SDC4: variants seen among roughly 807,000 people sequenced by gnomAD.
SDC4 encodes syndecan 4.
SDC4 carries 17 observed loss-of-function variants against 20.5 expected under a neutral mutation model. The ratio of observed to expected loss-of-function variants is 0.83; its 90% CI spans 0.57 to 1.25. The LOEUF (loss-of-function observed/expected upper bound fraction) is 1.25, where lower values mean the gene tolerates loss of function less well. Among genes scored for constraint, SDC4 ranks in the 50% most tolerant of loss-of-function variants. The pLI is 0.00. For synonymous variants in SDC4, 107 were observed against 105.3 expected (o/e 1.02, Z -0.10); for missense variants, 241 against 252.3 (o/e 0.96, Z 0.30).
chr20:45,333,885 TC>T (rs1987819343), intron 2 of SDC4, among the ~76,000 whole-genome samples: 2 of 151,872 alleles, frequency 1.3e-5, no homozygotes, highest in African/African-American at 4.8e-5. Context: ...ATTGTCATGA[TC>T]AGAAAACATT....
intron 1 of SDC4, among the ~76,000 whole-genome samples, chr20:45,346,833 AC>A (rs1988038696): frequency 6.6e-6 from 1 of 152,088 alleles, no homozygotes; most frequent in African/African-American, 2.4e-5. Context: ...CCTATTCTAA[AC>A]CCGTCTTTAG....
Position 45,348,381 on chromosome 20 carries a change from C to G in SDC4, c.4G>C (p.Ala2Pro), listed in dbSNP as rs752662372. Residue 2 changes from alanine (A) to proline (P), a missense_variant, in exon 1 of 5, where the codon GCC (alanine) becomes CCC (proline). Ala to Pro is a conservative substitution (Grantham distance 27). Transcript: ENST00000372733. M[A>P]PARLFALLLF... ...AGCAGCGCGAACAGACGGGCGGGGGCCATGGCACCGCGGACTGGAGAAGGC... is the reference window on the plus strand; with the variant it reads ...AGCAGCGCGAACAGACGGGCGGGGGGCATGGCACCGCGGACTGGAGAAGGC... The G allele has an allele frequency of 7.0e-6, 11 of 1,578,064 alleles. No individual in the cohort carries two copies. The highest frequency in any genetic ancestry group is 1.7e-4 in the Middle Eastern group (1 of 6,036).
intron 1 of SDC4, among the ~76,000 whole-genome samples, chr20:45,339,082 A>G (rs999673560): frequency 1.3e-5 from 2 of 152,206 alleles, no homozygotes; most frequent in Admixed American, 6.5e-5. Flanking sequence ...AGGCAACTCC[A>G]AAGTGGATAA....
At chr20:45,334,118 C>A (rs1485558242) in intron 2 of SDC4, among the ~76,000 whole-genome samples, 2 of 151,980 alleles carry the variant, frequency 1.3e-5, no homozygotes, top group Non-Finnish European at 2.9e-5. Context: ...CCTCAGCCCC[C>A]CGAGTAGCTG....
At chr20:45,338,073 C>T (rs1200669878) in intron 1 of SDC4, among the ~76,000 whole-genome samples, 1 of 152,170 alleles carries the variant, frequency 6.6e-6, no homozygotes, top group Non-Finnish European at 1.5e-5. Context: ...TCCCTGTGCT[C>T]CTACCTCCAT....
chr20:45,332,594 G>A (rs1702518692), intron 3 of SDC4, among the ~76,000 whole-genome samples: 1 of 151,882 alleles, frequency 6.6e-6, no homozygotes, highest in Admixed American at 6.6e-5. Context: ...GGCCAGATTT[G>A]TTTGTTTGTT....
At chr20:45,330,341 T>A (rs1437137415) in intron 4 of SDC4, 25 bp downstream of exon 4, 1 of 1,607,640 alleles carries the variant, frequency 6.2e-7, no homozygotes, top group Admixed American at 1.7e-5. Flanking sequence ...CTTCAAGGCA[T>A]CTTATAAGCA....
rs1242514644 is a variant in SDC4, at chr20:45,326,531, C to T, written c.*733G>A. On this transcript the variant is annotated 3_prime_UTR_variant, in exon 5 of 5. Transcript: ENST00000372733. ...AATGTGCGAGAGAATGAAGACACCT[C>T]GGCACCTCCACACTCTTGCCCAGGC... 4 of 152,230 alleles carry T rather than the reference C, an allele frequency of 2.6e-5. No individual in the cohort carries two copies. The highest frequency in any genetic ancestry group is 4.4e-5 in the Non-Finnish European group (3 of 68,022). The allele number at this position is 152,230 out of a possible 1,614,324, so 9.4% of individuals were successfully genotyped here.
In SDC4 at chr20:45,330,392, ATGT is replaced by A. The variant is rs762811648; in HGVS notation, c.416_418del (p.Asn139del). 6.2e-7 allele frequency: 1 copy of A among 1,614,122 alleles called. No individual in the cohort carries two copies. Among genetic ancestry groups the A allele is most frequent in the Non-Finnish European group, 8.5e-7 (1 of 1,180,034 alleles). On this transcript the variant is annotated inframe_deletion, in exon 4 of 5. Coordinates refer to ENST00000372733, the MANE Select transcript of SDC4 (RefSeq NM_002999.4). ...TGCCAGGACCTCCGTTCTCTCAAAG[ATGT>A]TGCTGCCCTGCACAGTGCTGGACAT...
At chr20:45,343,780 A>T (rs1343949185) in intron 1 of SDC4, among the ~76,000 whole-genome samples, 2 of 152,192 alleles carry the variant, frequency 1.3e-5, no homozygotes, top group Non-Finnish European at 2.9e-5. Flanking sequence ...TGGGCAAGGA[A>T]GGGAACTGTC....
intron 1 of SDC4, among the ~76,000 whole-genome samples, chr20:45,336,830 C>T (rs1411346273): frequency 6.6e-6 from 1 of 152,090 alleles, no homozygotes; most frequent in Non-Finnish European, 1.5e-5. Context: ...CAGGTCAGGG[C>T]GCTGCCCAGA....
chr20:45,344,999 G>C (rs1345618908), intron 1 of SDC4: 1 of 152,158 alleles, frequency 6.6e-6, no homozygotes. Flanking sequence ...TCTGACCTTA[G>C]GAAGCCACTG....
intron 4 of SDC4, among the ~76,000 whole-genome samples, chr20:45,328,333 G>T (rs2267865): frequency 0.79 from 120,683 of 152,162 alleles, 48,267 homozygotes; most frequent in East Asian, 0.93. Flanking sequence ...AAAATGGGAA[G>T]AGCCATACCT....
chr20:45,328,084 C>T (rs1327866039), intron 4 of SDC4, among the ~76,000 whole-genome samples: 1 of 152,226 alleles, frequency 6.6e-6, no homozygotes, highest in Admixed American at 6.5e-5. Context: ...ACATATTTAT[C>T]CTGCAGTCCT....
rs753577958 is a variant in SDC4 at position 45,333,110 on chromosome 20, C to T, written c.200-41G>A. ...AGCTGTGTGAGTGAGGTCCATTACCCCAGGAAAATGACCCCTTCAGCCAGG... is the reference window on the plus strand; with the variant it reads ...AGCTGTGTGAGTGAGGTCCATTACCTCAGGAAAATGACCCCTTCAGCCAGG... On this transcript the variant is annotated intron_variant, in intron 2 of 4. Coordinates refer to ENST00000372733, the MANE Select transcript of SDC4 (RefSeq NM_002999.4). 42 of 1,594,892 alleles carry T rather than the reference C, an allele frequency of 2.6e-5. 2 individuals are homozygous for T. The South Asian group carries it at 4.6e-4, about 18-fold the overall frequency.
chr20:45,340,612 C>T (rs926279920), intron 1 of SDC4, among the ~76,000 whole-genome samples: 1 of 152,210 alleles, frequency 6.6e-6, no homozygotes, highest in African/African-American at 2.4e-5. Context: ...GGCTGGGGCA[C>T]CAGAGAGGAG....
At chr20:45,330,250 A>G in intron 4 of SDC4, 116 bp downstream of exon 4, 1 of 935,102 alleles carries the variant, frequency 1.1e-6, no homozygotes, top group Non-Finnish European at 1.7e-6. Flanking sequence ...CTGAATAGGC[A>G]AAAGGAAGGG....
chr20:45,331,911 G>A (rs1987783899), intron 3 of SDC4, among the ~76,000 whole-genome samples: 1 of 152,094 alleles, frequency 6.6e-6, no homozygotes, highest in Non-Finnish European at 1.5e-5. Flanking sequence ...TCTACCTATG[G>A]AGTAGCCATT....
At chr20:45,336,039 G>C in intron 1 of SDC4, 119 bp from the exon 2 acceptor site, 2 of 1,071,240 alleles carry the variant, frequency 1.9e-6, no homozygotes, top group Non-Finnish European at 2.7e-6. Flanking sequence ...AGGGCCTGGA[G>C]ACCTGCGTCC....
Sources: gnomAD v4.1 joint callset for allele counts (sites outside exome capture counted in the v4.1 genomes callset) on GRCh38, gnomAD v4.1.1 for gene constraint, MANE v1.5 for transcripts, NCBI Gene and HGNC (gene_info 2026-07-23, HGNC 2026-07-21) for gene names.